Variants in CLYBL observed in about 807,000 individuals in gnomAD.
CLYBL encodes the protein citramalyl-CoA lyase, mitochondrial.
CLYBL carries 31 observed loss-of-function variants against 38.9 expected under a neutral mutation model. The ratio of observed to expected loss-of-function variants is 0.80; its 90% CI spans 0.60 to 1.08. The LOEUF is 1.08. Ranked by LOEUF, CLYBL falls within the 50% of genes least tolerant of loss-of-function variation. The probability of loss-of-function intolerance (pLI) is 0.00; values close to 1 mark genes in which losing one functional copy is unlikely to be tolerated. For synonymous variants in CLYBL, 171 were observed against 158.6 expected, an observed-to-expected ratio of 1.08 and a Z score of -0.59; for missense variants, 434 against 411.6, an observed-to-expected ratio of 1.05 and a Z score of -0.47.
chr13:99,827,587 T>C (rs906510475), intron 2 of CLYBL, among the ~76,000 whole-genome samples: 7 of 152,156 alleles, frequency 4.6e-5, no homozygotes, highest in African/African-American at 1.7e-4. Flanking sequence ...TCAGAATGAC[T>C]GGAGGCACTC....
intron 2 of CLYBL, among the ~76,000 whole-genome samples, chr13:99,843,821 C>G (rs1299537495): frequency 6.6e-6 from 1 of 152,122 alleles, no homozygotes; most frequent in Non-Finnish European, 1.5e-5. Flanking sequence ...AGGCTGGTCT[C>G]GAACTCCTGA....
At position 99,865,892 on chromosome 13, in the gene CLYBL, G is replaced by A. The variant is rs190509733; in HGVS notation, c.635-348G>A. 6.1e-4 allele frequency among the ~76,000 whole-genome samples: 93 copies of A among 152,290 alleles called. No individual in the cohort carries two copies. The highest frequency in any genetic ancestry group is 4.8e-3 in the Admixed American group (73 of 15,298). On this transcript the variant is annotated intron_variant, in intron 5 of 8. Transcript: ENST00000339105. This position sits in a 1 kb window ranked among gnomAD's most constrained non-coding sequence, Gnocchi z 4.7. The stretch of plus-strand genomic sequence containing the variant: ...CATAGCTGCTGGGCCACCCTTTGTG[G>A]TGCTGTCTTTGGACTGGCACTTTTC...
intron 2 of CLYBL, among the ~76,000 whole-genome samples, chr13:99,854,327 C>T (rs12430048): frequency 0.19 from 29,250 of 151,284 alleles, 3,269 homozygotes; most frequent in East Asian, 0.43. Flanking sequence ...AAGGCACTTA[C>T]TTGGGTATGT....
chr13:99,821,974 G>A (rs138993095), intron 2 of CLYBL, among the ~76,000 whole-genome samples: 1 of 152,168 alleles, frequency 6.6e-6, no homozygotes, highest in African/African-American at 2.4e-5. Context: ...AGGCTTGCAC[G>A]TCTGGAACTC....
At chr13:99,842,713 T>TAA (rs61340475) in intron 2 of CLYBL, among the ~76,000 whole-genome samples, 1,802 of 148,294 alleles carry the variant, frequency 0.012, 30 homozygotes, top group African/African-American at 0.035. Flanking sequence ...CCCTTTTTTT[T>TAA]AAAAAAAAAA....
At position 99,815,555 on chromosome 13, in the gene CLYBL, A is replaced by T. The variant is rs150120112; in HGVS notation, c.249+42545A>T. ...GGCGATGATGGCGCCACCGCATTCC[A>T]GCTTGAGTGACAGAGCAAGACCTTG... On this transcript the variant is annotated intron_variant, in intron 2 of 8. Transcript: ENST00000339105. Among the ~76,000 whole-genome samples, 136 of 152,312 alleles carry T rather than the reference A, an allele frequency of 8.9e-4. 1 individual carries two copies. Among genetic ancestry groups the T allele is most frequent in the African/African-American group, 2.6e-3 (109 of 41,566 alleles).
chr13:99,859,903 G>A (rs773756722), intron 3 of CLYBL, among the ~76,000 whole-genome samples: 5 of 152,124 alleles, frequency 3.3e-5, no homozygotes, highest in Middle Eastern at 3.2e-3. Flanking sequence ...AACTGGAAGC[G>A]TTTGTGGTCG....
chr13:99,641,485 C>T (rs1220559828), intron 1 of CLYBL, among the ~76,000 whole-genome samples: 1 of 152,028 alleles, frequency 6.6e-6, no homozygotes, highest in Non-Finnish European at 1.5e-5. Context: ...CTGGCTAACA[C>T]AGTGAAACCC....
At chr13:99,881,565 G>A in intron 7 of CLYBL, among the ~76,000 whole-genome samples, 1 of 151,934 alleles carries the variant, frequency 6.6e-6, no homozygotes, top group East Asian at 1.9e-4. Flanking sequence ...TGGGACCACA[G>A]GTGCGTGTCA....
At chr13:99,830,239 A>G (rs2050778827) in intron 2 of CLYBL, among the ~76,000 whole-genome samples, 1 of 152,194 alleles carries the variant, frequency 6.6e-6, no homozygotes. Context: ...ATGATGAAAG[A>G]TATTTATTAG....
chr13:99,735,247 G>GC (rs1416236978), intron 1 of CLYBL, among the ~76,000 whole-genome samples: 1 of 152,186 alleles, frequency 6.6e-6, no homozygotes, highest in African/African-American at 2.4e-5. Context: ...AAACTGAAGT[G>GC]CAGTGGTGTG....
intron 7 of CLYBL, among the ~76,000 whole-genome samples, chr13:99,879,162 C>G (rs1028862508): frequency 3.2e-4 from 48 of 152,286 alleles, no homozygotes; most frequent in Admixed American, 1.2e-3. Flanking sequence ...ATTGCACCCC[C>G]GACTTCCTGG....
intron 1 of CLYBL, among the ~76,000 whole-genome samples, chr13:99,750,647 C>A (rs1341758067): frequency 5.4e-5 from 8 of 148,268 alleles, no homozygotes; most frequent in African/African-American, 2.0e-4. Context: ...GCACTCCAGC[C>A]TGGGTGAAAG....
At position 99,630,960 on chromosome 13, in the gene CLYBL, T is replaced by A. The variant is rs542202260; in HGVS notation, c.62+24203T>A. On this transcript the variant is annotated intron_variant, in intron 1 of 8. Coordinates refer to ENST00000339105, the MANE Select transcript of CLYBL (RefSeq NM_206808.5). ...TTCTGAAGCATGTTTGCTGAACCAC[T>A]ACACTTTAGCCACCTACTGTGGATA... 2.0e-5 allele frequency among the ~76,000 whole-genome samples: 3 copies of A among 152,284 alleles called. No homozygotes were observed. In the East Asian group the frequency reaches 5.8e-4, roughly 29 times the overall value.
At chr13:99,846,764 C>T (rs546452072) in intron 2 of CLYBL, among the ~76,000 whole-genome samples, 18 of 152,264 alleles carry the variant, frequency 1.2e-4, no homozygotes, top group African/African-American at 3.9e-4. Context: ...TTATAATCTA[C>T]TTATGGAGAC....
intron 7 of CLYBL, among the ~76,000 whole-genome samples, chr13:99,880,068 A>ATATATATATATAT (rs34063235): frequency 5.6e-4 from 57 of 101,184 alleles, no homozygotes; most frequent in Non-Finnish European, 7.9e-4. Context: ...ATATATATAT[A>ATATATATATATAT]TTTTTTTTTT....
At chr13:99,750,829 A>G (rs994412114) in intron 1 of CLYBL, among the ~76,000 whole-genome samples, 2 of 135,932 alleles carry the variant, frequency 1.5e-5, no homozygotes, top group African/African-American at 4.9e-5. Context: ...TAAAAGATAT[A>G]TCTTTTTTTC....
chr13:99,799,788 C>T (rs908368356), intron 2 of CLYBL, among the ~76,000 whole-genome samples: 4 of 152,298 alleles, frequency 2.6e-5, no homozygotes, highest in African/African-American at 7.2e-5. Context: ...TGGCTAATTA[C>T]GTGGATATCA....
chr13:99,786,394 C>T (rs2049796351), intron 2 of CLYBL, among the ~76,000 whole-genome samples: 1 of 151,978 alleles, frequency 6.6e-6, no homozygotes, highest in Non-Finnish European at 1.5e-5. Context: ...GTGTGATGAT[C>T]CCCTTCCTGT....
Sources: allele counts gnomAD v4.1 joint callset (sites outside exome capture counted in the v4.1 genomes callset), GRCh38; gene constraint gnomAD v4.1.1; non-coding constraint Gnocchi (gnomAD v3.1); transcripts MANE v1.5; gene names NCBI Gene and HGNC (gene_info 2026-07-23, HGNC 2026-07-21).